The following CFHR3 variants were observed in gnomAD, a reference collection of about 807,000 sequenced individuals.
The protein encoded by CFHR3 is complement factor H-related protein 3.
In CFHR3, 22 loss-of-function variants were observed where a neutral mutation model predicts 36.0. That is an observed-to-expected ratio of 0.61 (90% CI 0.44 to 0.87). The LOEUF (loss-of-function observed/expected upper bound fraction) is 0.87. CFHR3 is among the 40% of genes least tolerant of loss of function. The probability of loss-of-function intolerance (pLI) is 0.00; values close to 1 mark genes in which losing one functional copy is unlikely to be tolerated. For missense variants in CFHR3, 276 were observed against 401.3 expected (o/e 0.69, Z 2.67); for synonymous variants, 97 against 137.4 (o/e 0.71, Z 2.06).
Position 196,782,337 on chromosome 1 carries a change from A to G in CFHR3, c.430+2364A>G, listed in dbSNP as rs182830130. On this transcript the variant is annotated intron_variant, in intron 3 of 5. Transcript: ENST00000367425. ...TAAAGTACTTTTTTCCACTTTGGTG[A>G]AGAAAGTCATTGGTAGCTTGATGGG... Among the ~76,000 whole-genome samples the G allele has an allele frequency of 5.8e-4, 79 of 137,196 alleles. 6 individuals carry two copies. The highest frequency in any genetic ancestry group is 7.7e-5 in the Non-Finnish European group (5 of 64,570). The allele number at this position is 137,196 out of a possible 152,430, so 90.0% of individuals were successfully genotyped here.
chr1:196,778,857 G>C (rs1653834462), intron 1 of CFHR3, among the ~76,000 whole-genome samples: 1 of 136,978 alleles, frequency 7.3e-6, no homozygotes, highest in Admixed American at 7.1e-5. Context: ...CTCCAGAATT[G>C]CTAAAGAGAC....
chr1:196,791,685 T>C (rs1654433603), intron 5 of CFHR3, among the ~76,000 whole-genome samples: 1 of 132,224 alleles, frequency 7.6e-6, no homozygotes, highest in Non-Finnish European at 1.6e-5. Context: ...ATGTCCAAGT[T>C]TGAGCTCCAA....
chr1:196,778,934 A>C (rs1653837116), intron 1 of CFHR3, among the ~76,000 whole-genome samples: 1 of 136,624 alleles, frequency 7.3e-6, no homozygotes, highest in East Asian at 2.0e-4. Flanking sequence ...CTGATTTGGG[A>C]TCCATTAAGG....
In CFHR3 at chr1:196,794,559, A is replaced by G. The variant is rs1227179576; in HGVS notation, c.*1046A>G. ...ACATTTGTATTTTCTTAATACAAAT[A>G]TTTTGAAAGTTTCTTCATATATGGT... On this transcript the variant is annotated 3_prime_UTR_variant, in exon 6 of 6. Transcript: ENST00000367425. 2.4e-5 allele frequency: 9 copies of G among 373,514 alleles called. 4 individuals carry two copies. The highest frequency in any genetic ancestry group is 4.6e-5 in the Non-Finnish European group (9 of 195,618). The allele number at this position is 373,514 out of a possible 1,614,324, so 23.1% of individuals were successfully genotyped here. A position where few individuals can be genotyped will look rare whatever the true frequency, so the allele number is the denominator to read the frequency against.
rs1454608994 is a variant in CFHR3, at chr1:196,789,041, A to G, written c.613+643A>G. 1.6e-6 allele frequency: 2 copies of G among 1,219,902 alleles called. 1 individual carries two copies. 75.6% of individuals were successfully genotyped at this position (1,219,902 alleles called of 1,614,324 possible). ...ACGTGCTCGACCTTTACTTAGTATG[A>G]TAAAGAGAATGCATAATGAACAAAG... On this transcript the variant is annotated intron_variant, in intron 4 of 5. Coordinates refer to ENST00000367425, the MANE Select transcript of CFHR3 (RefSeq NM_021023.6).
chr1:196,795,288 C>A lies in CFHR3; in HGVS notation c.*1775C>A, dbSNP rs1433677831. 1.5e-5 allele frequency: 2 copies of A among 136,662 alleles called. No individual in the cohort carries two copies. The highest frequency in any genetic ancestry group is 7.1e-5 in the Admixed American group (1 of 14,166). 8.5% of individuals were successfully genotyped at this position (136,662 alleles called of 1,614,324 possible). ...AAATGAAAGTTCCCCTGGACAAGTT[C>A]TCTTGCCTGCCACCATGTAAGATGT... On this transcript the variant is annotated 3_prime_UTR_variant, in exon 6 of 6. Transcript: ENST00000367425.
At chr1:196,781,450 C>T (rs1284733597) in intron 3 of CFHR3, among the ~76,000 whole-genome samples, 4 of 134,054 alleles carry the variant, frequency 3.0e-5, no homozygotes, top group African/African-American at 1.3e-4. Context: ...TCTTCACATC[C>T]TCTCCAGCAC....
chr1:196,789,624 A>G lies in CFHR3; in HGVS notation c.614-421A>G, dbSNP rs1654343565. ...TGGTTACATTAACTTTTAAATTCAC[A>G]AATTTAAAAGCGGTTTAAGCTCCGT... On this transcript the variant is annotated intron_variant, in intron 4 of 5. Transcript: ENST00000367425. 6 of 1,394,454 alleles carry G rather than the reference A, an allele frequency of 4.3e-6. 1 individual carries two copies. In the South Asian group the frequency reaches 8.0e-5, roughly 19 times the overall value. 86.4% of individuals were successfully genotyped at this position (1,394,454 alleles called of 1,614,324 possible).
chr1:196,786,686 G>A (rs569033240), intron 3 of CFHR3, among the ~76,000 whole-genome samples: 1 of 136,884 alleles, frequency 7.3e-6, no homozygotes, highest in East Asian at 2.0e-4. Context: ...GGAGTGACCC[G>A]ATTTTCCAGG....
intron 1 of CFHR3, among the ~76,000 whole-genome samples, chr1:196,776,467 T>A (rs1653725167): frequency 7.3e-6 from 1 of 137,696 alleles, no homozygotes. Flanking sequence ...AGAATGTGAC[T>A]GCATTTGGAG....
chr1:196,782,517 G>A lies in CFHR3; in HGVS notation c.430+2544G>A, dbSNP rs1383947850. 2.3e-4 allele frequency among the ~76,000 whole-genome samples: 31 copies of A among 135,938 alleles called. 7 individuals are homozygous for A. Among genetic ancestry groups the A allele is most frequent in the Non-Finnish European group, 3.9e-4 (25 of 64,208 alleles). The allele number at this position is 135,938 out of a possible 152,430, so 89.2% of individuals were successfully genotyped here. A position where few individuals can be genotyped will look rare whatever the true frequency, so the allele number is the denominator to read the frequency against. On this transcript the variant is annotated intron_variant, in intron 3 of 5. Transcript: ENST00000367425. ...GTGGTTCTCCTTGAAGAGGTCCTTC[G>A]CGTCCCTTGTAAGTTGGATTCCTAG...
rs553618060 is a variant in CFHR3 at position 196,789,665 on chromosome 1, G to A, written c.614-380G>A. On this transcript the variant is annotated intron_variant, in intron 4 of 5. Transcript: ENST00000367425. ...TAAGCTCCGTGACACATTGGACTAC[G>A]AATGCTACGATGGATATGAAATCAG... The A allele has an allele frequency of 1.5e-4, 219 of 1,453,882 alleles. 36 individuals are homozygous for A. In the South Asian group the frequency reaches 2.8e-3, roughly 18 times the overall value. 90.1% of individuals were successfully genotyped at this position (1,453,882 alleles called of 1,614,324 possible). A position where few individuals can be genotyped will look rare whatever the true frequency, so the allele number is the denominator to read the frequency against.
chr1:196,776,481 G>A (rs1352832659), intron 1 of CFHR3, among the ~76,000 whole-genome samples: 2 of 137,424 alleles, frequency 1.5e-5, no homozygotes, highest in Admixed American at 7.0e-5. Flanking sequence ...TTTGGAGAAG[G>A]AGTGCTTAGC....
rs1420676897 is a variant in CFHR3, at chr1:196,791,392, G to A, written c.796+1165G>A. ...TTGCCACAAGTTTCTACTAGCCTAT[G>A]AGGTAGAGCCCTGGGACACCCATCA... On this transcript the variant is annotated intron_variant, in intron 5 of 5. Coordinates refer to ENST00000367425, the MANE Select transcript of CFHR3 (RefSeq NM_021023.6). Among the ~76,000 whole-genome samples the A allele has an allele frequency of 1.5e-5, 2 of 135,430 alleles. 1 individual carries two copies. The highest frequency in any genetic ancestry group is 3.1e-5 in the Non-Finnish European group (2 of 64,342). 88.8% of individuals were successfully genotyped at this position (135,430 alleles called of 152,430 possible). A position where few individuals can be genotyped will look rare whatever the true frequency, so the allele number is the denominator to read the frequency against.
chr1:196,776,162 A>G lies in CFHR3; in HGVS notation c.58+1218A>G, dbSNP rs746220987. On this transcript the variant is annotated intron_variant, in intron 1 of 5. Coordinates refer to ENST00000367425, the MANE Select transcript of CFHR3 (RefSeq NM_021023.6). ...TGACTGGAATTAGAGAAGCATATGC[A>G]CTATATTTTCTTACTTACTTTCTTA... Among the ~76,000 whole-genome samples the G allele has an allele frequency of 8.0e-5, 10 of 124,672 alleles. 2 individuals are homozygous for G. Among genetic ancestry groups the G allele is most frequent in the Non-Finnish European group, 1.5e-4 (9 of 58,616 alleles). 81.8% of individuals were successfully genotyped at this position (124,672 alleles called of 152,430 possible).
chr1:196,789,989 G>A lies in CFHR3; in HGVS notation c.614-56G>A, dbSNP rs1180706953. 5 of 1,181,964 alleles carry A rather than the reference G, an allele frequency of 4.2e-6. 1 individual carries two copies. In the Middle Eastern group the frequency reaches 1.1e-3, roughly 260 times the overall value. The allele number at this position is 1,181,964 out of a possible 1,614,324, so 73.2% of individuals were successfully genotyped here. On this transcript the variant is annotated intron_variant, in intron 4 of 5. Transcript: ENST00000367425. ...AAGAGTATATAAAAAGCTTTATTTA[G>A]AAAGTTTCCAATAAGACTATTGATT...
chr1:196,793,567 T>G lies in CFHR3; in HGVS notation c.*54T>G. 1 of 1,419,626 alleles carries G rather than the reference T, an allele frequency of 7.0e-7. No homozygotes were observed. Among genetic ancestry groups the G allele is most frequent in the Non-Finnish European group, 9.6e-7 (1 of 1,037,562 alleles). 87.9% of individuals were successfully genotyped at this position (1,419,626 alleles called of 1,614,324 possible). A position where few individuals can be genotyped will look rare whatever the true frequency, so the allele number is the denominator to read the frequency against. ...CAACTTCCACTTTTCCACTTCTCAC[T>G]CTTATGGTCTCAAAGCTTGCAAAGA... On this transcript the variant is annotated 3_prime_UTR_variant, in exon 6 of 6. Coordinates refer to ENST00000367425, the MANE Select transcript of CFHR3 (RefSeq NM_021023.6).
At chr1:196,781,037 T>A (rs1196743978) in intron 3 of CFHR3, among the ~76,000 whole-genome samples, 1 of 120,628 alleles carries the variant, frequency 8.3e-6, no homozygotes. Flanking sequence ...CACCTATGAG[T>A]GAGAACACGT....
rs1211349093 is a variant in CFHR3 at position 196,784,524 on chromosome 1, T to C, written c.431-3692T>C. ...CATATATATCTAGGATAGTTAGCTC[T>C]TCTTGTTGAATTGATCCCTTTACCA... On this transcript the variant is annotated intron_variant, in intron 3 of 5. Coordinates refer to ENST00000367425, the MANE Select transcript of CFHR3 (RefSeq NM_021023.6). Among the ~76,000 whole-genome samples, 2 of 136,608 alleles carry C rather than the reference T, an allele frequency of 1.5e-5. 1 individual carries two copies. The highest frequency in any genetic ancestry group is 6.2e-5 in the African/African-American group (2 of 32,414). 89.6% of individuals were successfully genotyped at this position (136,608 alleles called of 152,430 possible). A position where few individuals can be genotyped will look rare whatever the true frequency, so the allele number is the denominator to read the frequency against.
Sources: gnomAD v4.1 joint callset for allele counts (sites outside exome capture counted in the v4.1 genomes callset) on GRCh38, gnomAD v4.1.1 for gene constraint, MANE v1.5 for transcripts, NCBI Gene and HGNC (gene_info 2026-07-23, HGNC 2026-07-21) for gene names.